Variants in TMEM132B observed in about 807,000 individuals in gnomAD.
TMEM132B encodes transmembrane protein 132B.
Under a neutral mutation model 90.8 loss-of-function variants are expected in TMEM132B, and 18 were observed. That is an observed-to-expected ratio of 0.20 (90% CI 0.14 to 0.29). The LOEUF is 0.29. Ranked by LOEUF, TMEM132B falls within the 10% of genes least tolerant of loss-of-function variation. The pLI is 1.00. For missense variants in TMEM132B, 1,096 were observed against 1,326.8 expected (o/e 0.83, Z 2.70); for synonymous variants, 504 against 523.3 (o/e 0.96, Z 0.50).
intron 1 of TMEM132B, among the ~76,000 whole-genome samples, chr12:125,339,322 G>C (rs745698008): frequency 1.3e-5 from 2 of 150,140 alleles, no homozygotes; most frequent in Non-Finnish European, 3.0e-5. Flanking sequence ...GCCTCTCTTG[G>C]CTTGTAGATG....
At chr12:125,290,438 G>T (rs1287909156) in intron 1 of TMEM132B, among the ~76,000 whole-genome samples, 1 of 152,066 alleles carries the variant, frequency 6.6e-6, no homozygotes, top group East Asian at 1.9e-4. Context: ...CTTCCTTCTC[G>T]CTCTCCCTAG....
intron 4 of TMEM132B, among the ~76,000 whole-genome samples, chr12:125,524,950 A>G (rs1883407967): frequency 6.6e-6 from 1 of 152,184 alleles, no homozygotes; most frequent in Admixed American, 6.5e-5. Context: ...GGAATGTGCT[A>G]TCTCATTCTT....
chr12:125,418,400 G>C (rs1246791049), intron 3 of TMEM132B, among the ~76,000 whole-genome samples: 2 of 152,050 alleles, frequency 1.3e-5, no homozygotes, highest in Non-Finnish European at 2.9e-5. Context: ...TTTAGTATCT[G>C]ACCTCCCTTG....
chr12:125,320,032 G>A (rs1452791117), intron 1 of TMEM132B, among the ~76,000 whole-genome samples: 1 of 151,744 alleles, frequency 6.6e-6, no homozygotes, highest in African/African-American at 2.4e-5. Context: ...AAAAAAGGGA[G>A]CCACCGGTCT....
chr12:125,661,235 A>G lies in TMEM132B; in HGVS notation c.*6525A>G, dbSNP rs961594809. 6.6e-6 allele frequency: 1 copy of G among 152,240 alleles called. No homozygotes were observed. The highest frequency in any genetic ancestry group is 1.5e-5 in the Non-Finnish European group (1 of 68,046). 9.4% of individuals were successfully genotyped at this position (152,240 alleles called of 1,614,324 possible). The stretch of plus-strand genomic sequence containing the variant: ...TTCACTTAGAGATGCTTCCTCAAAG[A>G]GCGTGCCTTTTTCCTCCATCATAAC... On this transcript the variant is annotated 3_prime_UTR_variant, in exon 9 of 9. Coordinates refer to ENST00000682704, the MANE Select transcript of TMEM132B (RefSeq NM_001366854.1).
At chr12:125,366,489 A>C (rs1319495654) in intron 2 of TMEM132B, among the ~76,000 whole-genome samples, 1 of 151,992 alleles carries the variant, frequency 6.6e-6, no homozygotes, top group Admixed American at 6.6e-5. Context: ...AGATGTTTTG[A>C]TTCACTTGCT....
At chr12:125,268,676 A>G (rs1414748811) in intron 1 of TMEM132B, among the ~76,000 whole-genome samples, 1 of 152,242 alleles carries the variant, frequency 6.6e-6, no homozygotes, top group African/African-American at 2.4e-5. Context: ...AGAAACTGAT[A>G]ACGTTGCTTG....
intron 1 of TMEM132B, among the ~76,000 whole-genome samples, chr12:125,316,667 G>A (rs1043295679): frequency 9.1e-6 from 1 of 109,422 alleles, no homozygotes; most frequent in Non-Finnish European, 1.9e-5. Flanking sequence ...AAGACCTGGG[G>A]CAGCTCATTC....
At chr12:125,558,842 A>C (rs1413369768) in intron 4 of TMEM132B, among the ~76,000 whole-genome samples, 1 of 152,210 alleles carries the variant, frequency 6.6e-6, no homozygotes, top group Non-Finnish European at 1.5e-5. Context: ...TCTAAGGCAA[A>C]GGGCAAATGA....
chr12:125,309,183 T>C (rs1593078558), intron 1 of TMEM132B, among the ~76,000 whole-genome samples: 1 of 152,346 alleles, frequency 6.6e-6, no homozygotes, highest in East Asian at 1.9e-4. Context: ...TCAGATTCTT[T>C]GTTATATATT....
At chr12:125,265,385 C>T (rs186270307) in intron 1 of TMEM132B, among the ~76,000 whole-genome samples, 1 of 152,088 alleles carries the variant, frequency 6.6e-6, no homozygotes, top group East Asian at 1.9e-4. Context: ...ATGACAATAA[C>T]AAAATACCAC....
chr12:125,472,274 G>A (rs1323121989), intron 3 of TMEM132B, among the ~76,000 whole-genome samples: 5 of 152,194 alleles, frequency 3.3e-5, no homozygotes. Context: ...ATCTGAGGAT[G>A]TGTGGTTGGC....
At position 125,349,641 on chromosome 12, in the gene TMEM132B, C is replaced by A. The variant is rs755160116; in HGVS notation, c.257C>A (p.Pro86His). 6 of 1,613,976 alleles carry A rather than the reference C, an allele frequency of 3.7e-6. No homozygotes were observed. In the Admixed American group the frequency reaches 1.0e-4, roughly 27 times the overall value. Residue 86 changes from proline to histidine, a missense_variant, in exon 2 of 9, where the codon CCC becomes CAC. By Grantham distance (77) the Pro-to-His change is moderately conservative. Transcript: ENST00000682704. The surrounding 1 kb of genome is among the most constrained non-coding windows in gnomAD (Gnocchi z 4.1). ...EPFFIYRART[P>H]PIINASYGPF... ...TTCTTCATCTACCGAGCCAGGACAC[C>A]CCCTATTATCAATGCCAGCTATGGC... is the stretch of plus-strand genomic sequence containing the variant.
At chr12:125,543,081 C>A (rs921617900) in intron 4 of TMEM132B, among the ~76,000 whole-genome samples, 2 of 152,176 alleles carry the variant, frequency 1.3e-5, no homozygotes, top group Non-Finnish European at 2.9e-5. Context: ...TCCAGGGATA[C>A]TTGGGGTTTT....
chr12:125,327,960 C>A (rs575258687), intron 1 of TMEM132B, among the ~76,000 whole-genome samples: 141 of 152,262 alleles, frequency 9.3e-4, no homozygotes, highest in African/African-American at 3.1e-3. Context: ...GAATGGATGG[C>A]CCTAGCCAAC....
intron 4 of TMEM132B, among the ~76,000 whole-genome samples, chr12:125,522,949 C>T (rs952185430): frequency 1.3e-5 from 2 of 152,168 alleles, no homozygotes; most frequent in African/African-American, 2.4e-5. Flanking sequence ...GGCCATGAAT[C>T]GATAACAAGC....
chr12:125,220,653 G>C (rs193178361), intron 1 of TMEM132B, among the ~76,000 whole-genome samples: 1 of 152,146 alleles, frequency 6.6e-6, no homozygotes, highest in Non-Finnish European at 1.5e-5. Flanking sequence ...TGGTGTTGAC[G>C]CTCTGTGGTC....
chr12:125,457,579 T>C (rs563266325), intron 3 of TMEM132B, among the ~76,000 whole-genome samples: 1 of 152,292 alleles, frequency 6.6e-6, no homozygotes, highest in Admixed American at 6.5e-5. Flanking sequence ...TTTACAACTC[T>C]GAGGGGAGAG....
chr12:125,622,144 C>T (rs1426471217), intron 5 of TMEM132B, among the ~76,000 whole-genome samples: 1 of 152,126 alleles, frequency 6.6e-6, no homozygotes, highest in East Asian at 1.9e-4. Flanking sequence ...TTTAGGTCAC[C>T]TCCCTGTTCT....
Sources: gnomAD v4.1 joint callset for allele counts (sites outside exome capture counted in the v4.1 genomes callset) on GRCh38, gnomAD v4.1.1 for gene constraint, Gnocchi (gnomAD v3.1) non-coding constraint, MANE v1.5 for transcripts, NCBI Gene and HGNC (gene_info 2026-07-23, HGNC 2026-07-21) for gene names.